The following IGF2R variants were observed in gnomAD, a reference collection of about 807,000 sequenced individuals.
The protein encoded by IGF2R is cation-independent mannose-6-phosphate receptor.
IGF2R carries 91 observed loss-of-function variants against 270.6 expected under a neutral mutation model. The ratio of observed to expected loss-of-function variants is 0.34; its 90% CI spans 0.28 to 0.40. IGF2R has a LOEUF of 0.40. Among genes scored for constraint, IGF2R ranks in the 10% least tolerant of loss-of-function variants. The pLI is 1.00. For missense variants in IGF2R, 2,805 were observed against 3,188.3 expected (o/e 0.88, Z 2.90); for synonymous variants, 1,316 against 1,258.9 (o/e 1.05, Z -0.96).
At chr6:160,012,773 TTTTTTG>T (rs1466949473) in intron 4 of IGF2R, among the ~76,000 whole-genome samples, 3 of 125,642 alleles carry the variant, frequency 2.4e-5, no homozygotes, top group African/African-American at 8.5e-5. Context: ...ATTTTTTTTT[TTTTTTG>T]TTTGTTTGTT....
intron 22 of IGF2R, among the ~76,000 whole-genome samples, chr6:160,059,641 G>C (rs942974588): frequency 6.6e-6 from 1 of 152,214 alleles, no homozygotes; most frequent in Non-Finnish European, 1.5e-5. Flanking sequence ...AGCCCTCGGA[G>C]GCTCTGCACT....
chr6:160,079,686 A>C lies in IGF2R; in HGVS notation c.5585A>C (p.Lys1862Thr). The change falls in exon 38 of 48, where the codon AAG becomes ACG. Residue 1862 changes from lysine to threonine, a missense_variant. Lys to Thr is a moderately conservative substitution (Grantham distance 78). Coordinates refer to ENST00000356956, the MANE Select transcript of IGF2R (RefSeq NM_000876.4). ...DGGVCLLSGT[K>T]GASFGRLQSM... ...GGAGTCTGTCTGCTCTCAGGCACCA[A>C]GGGGGCATCCTTTGGACGGCTGCAA... The C allele has an allele frequency of 6.5e-7, 1 of 1,549,228 alleles. No homozygotes were observed. The highest frequency in any genetic ancestry group is 8.7e-7 in the Non-Finnish European group (1 of 1,150,184).
At chr6:160,018,243 A>G (rs1777349213) in intron 4 of IGF2R, among the ~76,000 whole-genome samples, 1 of 152,146 alleles carries the variant, frequency 6.6e-6, no homozygotes, top group African/African-American at 2.4e-5. Flanking sequence ...CTTTAAATCA[A>G]CAACAGTAAA....
intron 32 of IGF2R, among the ~76,000 whole-genome samples, chr6:160,072,526 C>G (rs1244365942): frequency 6.6e-6 from 1 of 152,152 alleles, no homozygotes; most frequent in Non-Finnish European, 1.5e-5. Flanking sequence ...GTGGTATGGC[C>G]CAGCAGAGGG....
rs758918651 is a variant in IGF2R, at chr6:160,046,515, T to C, written c.1921T>C (p.Ser641Pro). The C allele has an allele frequency of 6.8e-6, 11 of 1,609,338 alleles. No homozygotes were observed. The highest frequency in any genetic ancestry group is 9.3e-6 in the Non-Finnish European group (11 of 1,179,026). ...DSQAGFSFDL[S>P]PLTKKNGAYK... The stretch of plus-strand genomic sequence containing the variant: ...TTTCTTAGGGTTTTCTTTTGACTTA[T>C]CACCTCTCACAAAGAAAAATGGTGC... Residue 641 changes from serine to proline, a missense_variant, in exon 15 of 48, where the codon TCA (serine) becomes CCA (proline). Ser to Pro is a moderately conservative substitution (Grantham distance 74, BLOSUM62 -1). Transcript: ENST00000356956.
At position 160,108,176 on chromosome 6, in the gene IGF2R, G is replaced by A. The variant is rs142179527; in HGVS notation, c.*3092G>A. On this transcript the variant is annotated 3_prime_UTR_variant, in exon 48 of 48. Coordinates refer to ENST00000356956, the MANE Select transcript of IGF2R (RefSeq NM_000876.4). ...CACTCATGTCCTTTCTTACTTCTCC[G>A]GTTCCACTCTGTTGACTAGTAGTTG... is the stretch of plus-strand genomic sequence containing the variant. 2.0e-4 allele frequency: 30 copies of A among 152,356 alleles called. No homozygotes were observed. Among genetic ancestry groups the A allele is most frequent in the African/African-American group, 4.1e-4 (17 of 41,578 alleles). The allele number at this position is 152,356 out of a possible 1,614,324, so 9.4% of individuals were successfully genotyped here. A position where few individuals can be genotyped will look rare whatever the true frequency, so the allele number is the denominator to read the frequency against.
rs755727530 is a variant in IGF2R, at chr6:160,056,382, C to T, written c.2695-42C>T. 9.9e-6 allele frequency: 13 copies of T among 1,315,286 alleles called. No homozygotes were observed. The South Asian group carries it at 1.4e-4, about 14-fold the overall frequency. 81.5% of individuals were successfully genotyped at this position (1,315,286 alleles called of 1,614,324 possible). A position where few individuals can be genotyped will look rare whatever the true frequency, so the allele number is the denominator to read the frequency against. On this transcript the variant is annotated intron_variant, in intron 19 of 47. Transcript: ENST00000356956. ...GTATTCTTTTGGTTCTATCAAGTTCCATGTTACTGTATTGACTTTTACCCT... is the reference window on the plus strand; with the variant it reads ...GTATTCTTTTGGTTCTATCAAGTTCTATGTTACTGTATTGACTTTTACCCT...
chr6:159,994,604 T>C (rs1410624931), intron 2 of IGF2R, among the ~76,000 whole-genome samples: 3 of 152,174 alleles, frequency 2.0e-5, no homozygotes, highest in Non-Finnish European at 4.4e-5. Context: ...CTCTTACCGC[T>C]GCTTTGCTGT....
At chr6:160,037,400 C>G (rs1225874155) in intron 10 of IGF2R, among the ~76,000 whole-genome samples, 2 of 152,122 alleles carry the variant, frequency 1.3e-5, no homozygotes, top group Non-Finnish European at 1.5e-5. Flanking sequence ...TTATTTTGCT[C>G]GAATTTAAAC....
Position 160,048,311 on chromosome 6 carries a change from A to C in IGF2R, c.2346-64A>C, listed in dbSNP as rs1026075325. The C allele has an allele frequency of 2.7e-6, 4 of 1,481,638 alleles. No individual in the cohort carries two copies. The African/African-American group carries it at 4.2e-5, about 15-fold the overall frequency. The allele number at this position is 1,481,638 out of a possible 1,614,324, so 91.8% of individuals were successfully genotyped here. On this transcript the variant is annotated intron_variant, in intron 17 of 47. Coordinates refer to ENST00000356956, the MANE Select transcript of IGF2R (RefSeq NM_000876.4). ...TAGCTTTACTTCCCCAACTACATAG[A>C]AATAAATGAGACTGAAATGTGTAAG...
At chr6:160,025,980 A>G (rs977552639) in intron 5 of IGF2R, among the ~76,000 whole-genome samples, 3 of 152,238 alleles carry the variant, frequency 2.0e-5, no homozygotes, top group Non-Finnish European at 4.4e-5. Context: ...TTTGATTCAC[A>G]GTAGGGGTGC....
In IGF2R at chr6:160,110,529, A is replaced by G. The variant is rs1179502545; in HGVS notation, c.*5445A>G. ...TATGGAAAACAGGAAGTTCCTGAAA[A>G]AATTAAGAACAGCTACCAGGAATCC... On this transcript the variant is annotated 3_prime_UTR_variant, in exon 48 of 48. Coordinates refer to ENST00000356956, the MANE Select transcript of IGF2R (RefSeq NM_000876.4). 1 of 152,252 alleles carries G rather than the reference A, an allele frequency of 6.6e-6. No homozygotes were observed. The highest frequency in any genetic ancestry group is 1.5e-5 in the Non-Finnish European group (1 of 68,052). 9.4% of individuals were successfully genotyped at this position (152,252 alleles called of 1,614,324 possible).
intron 47 of IGF2R, among the ~76,000 whole-genome samples, chr6:160,104,373 G>C (rs995125627): frequency 1.3e-5 from 2 of 151,852 alleles, no homozygotes; most frequent in Non-Finnish European, 1.5e-5. Context: ...CTGCTTTTCG[G>C]TCCAGGCCAT....
At chr6:160,008,120 T>C (rs1040529979) in intron 2 of IGF2R, among the ~76,000 whole-genome samples, 2 of 152,196 alleles carry the variant, frequency 1.3e-5, no homozygotes, top group African/African-American at 4.8e-5. Flanking sequence ...TACAAGTTTG[T>C]GTTGGGCTGC....
chr6:160,093,725 C>T lies in IGF2R; in HGVS notation c.6656-2714C>T, dbSNP rs899065043. On this transcript the variant is annotated intron_variant, in intron 44 of 47. Transcript: ENST00000356956. ...GAGCAAAGTTGTGAATGGACCTGAA[C>T]CACTCAACAGCCGAAGCAACAAACT... 3 of 758,212 alleles carry T rather than the reference C, an allele frequency of 4.0e-6. No homozygotes were observed. In the African/African-American group the frequency reaches 5.1e-5, roughly 13 times the overall value. 47.0% of individuals were successfully genotyped at this position (758,212 alleles called of 1,614,324 possible). A position where few individuals can be genotyped will look rare whatever the true frequency, so the allele number is the denominator to read the frequency against.
chr6:160,098,460 G>A (rs1397111049), intron 45 of IGF2R, among the ~76,000 whole-genome samples: 2 of 152,138 alleles, frequency 1.3e-5, no homozygotes, highest in Non-Finnish European at 2.9e-5. Flanking sequence ...CCACCCGGGG[G>A]TGACGTGGAA....
At chr6:160,089,072 G>A (rs1204122262) in intron 42 of IGF2R, 35 bp from the exon 43 acceptor site, 6 of 1,598,700 alleles carry the variant, frequency 3.8e-6, no homozygotes, top group African/African-American at 1.3e-5. Context: ...GTCTGGCTGG[G>A]GAAGTGACTG....
At chr6:160,100,693 T>G (rs1461868512) in intron 45 of IGF2R, among the ~76,000 whole-genome samples, 1 of 139,416 alleles carries the variant, frequency 7.2e-6, no homozygotes, top group Admixed American at 7.4e-5. Flanking sequence ...TAGCAAAAAT[T>G]AACCACAAAG....
At chr6:159,982,593 G>A (rs1356813068) in intron 1 of IGF2R, among the ~76,000 whole-genome samples, 1 of 152,138 alleles carries the variant, frequency 6.6e-6, no homozygotes, top group Non-Finnish European at 1.5e-5. Context: ...AGATTCACAC[G>A]TGCCTACTTT....
Sources: gnomAD v4.1 joint callset for allele counts (sites outside exome capture counted in the v4.1 genomes callset) on GRCh38, gnomAD v4.1.1 for gene constraint, MANE v1.5 for transcripts, NCBI Gene and HGNC (gene_info 2026-07-23, HGNC 2026-07-21) for gene names.